The following COL4A2 variants were observed in gnomAD, a reference collection of about 807,000 sequenced individuals.
COL4A2 encodes collagen type IV alpha 2 chain, also known as collagen alpha-2(IV) chain.
COL4A2 carries 99 observed loss-of-function variants against 200.2 expected under a neutral mutation model. The ratio of observed to expected loss-of-function variants is 0.49; its 90% CI spans 0.42 to 0.58. The LOEUF is 0.58. Among genes scored for constraint, COL4A2 ranks in the 20% least tolerant of loss-of-function variants. COL4A2 has a pLI of 0.00. For synonymous variants in COL4A2, 897 were observed against 900.6 expected (o/e 1.00, Z 0.07); for missense variants, 1,950 against 2,314.1 (o/e 0.84, Z 3.23).
chr13:110,430,044 G>C, intron 8 of COL4A2, 88 bp downstream of exon 8: 1 of 1,345,166 alleles, frequency 7.4e-7, no homozygotes, highest in Non-Finnish European at 1.0e-6. Context: ...AACTTTGCAT[G>C]TAAGAATGAA....
At chr13:110,412,356 C>A (rs1358128525) in intron 4 of COL4A2, among the ~76,000 whole-genome samples, 5 of 152,192 alleles carry the variant, frequency 3.3e-5, no homozygotes, top group Non-Finnish European at 7.3e-5. Flanking sequence ...ATCTCAAAAT[C>A]TTTGACATCA....
intron 4 of COL4A2, among the ~76,000 whole-genome samples, chr13:110,409,006 A>G (rs149048301): frequency 3.6e-5 from 1 of 27,438 alleles, no homozygotes; most frequent in Admixed American, 4.6e-4. Context: ...ACACATACAC[A>G]CACACATACA....
At chr13:110,445,700 C>T (rs980326752) in intron 16 of COL4A2, 129 bp from the exon 17 acceptor site, 2 of 1,228,922 alleles carry the variant, frequency 1.6e-6, no homozygotes, top group African/African-American at 1.5e-5. Flanking sequence ...GAAAATTGAG[C>T]ACAGACTGGG....
chr13:110,470,493 C>T (rs1882426493), intron 28 of COL4A2, among the ~76,000 whole-genome samples: 1 of 152,144 alleles, frequency 6.6e-6, no homozygotes, highest in Admixed American at 6.5e-5. Context: ...AGAGAGGCGG[C>T]CACATCTCCC....
chr13:110,486,647 C>A lies in COL4A2; in HGVS notation c.3207+811C>A, dbSNP rs111282888. Among the ~76,000 whole-genome samples the A allele has an allele frequency of 1.7e-3, 264 of 152,210 alleles. 1 individual carries two copies. The highest frequency in any genetic ancestry group is 6.1e-3 in the African/African-American group (254 of 41,534). Reference sequence around the variant, plus strand: ...ACCAAACAGGCTTTGTGTGAGCAATCAAGCTGTTAATTTCACCTGGGTGCA... The same window carrying A: ...ACCAAACAGGCTTTGTGTGAGCAATAAAGCTGTTAATTTCACCTGGGTGCA... On this transcript the variant is annotated intron_variant, in intron 34 of 47. Transcript: ENST00000360467.
chr13:110,506,541 A>C lies in COL4A2; in HGVS notation c.4529A>C (p.Lys1510Thr), dbSNP rs1883888588. 6.2e-7 allele frequency: 1 copy of C among 1,613,264 alleles called. No homozygotes were observed. The highest frequency in any genetic ancestry group is 1.3e-5 in the African/African-American group (1 of 74,902). The change falls in exon 46 of 48, where the codon AAA becomes ACA. Residue 1510 changes from lysine to threonine, a missense_variant. Lys to Thr is a moderately conservative substitution (Grantham distance 78). Transcript: ENST00000360467. ...CCCATGTGCCCAGTGGGCATGAACAAACTCTGGAGTGGATACAGCCTGCTG... is the reference window on the plus strand; with the variant it reads ...CCCATGTGCCCAGTGGGCATGAACACACTCTGGAGTGGATACAGCCTGCTG... ...QEPMCPVGMN[K>T]LWSGYSLLYF...
At chr13:110,413,431 C>T (rs1431729369) in intron 4 of COL4A2, among the ~76,000 whole-genome samples, 2 of 152,154 alleles carry the variant, frequency 1.3e-5, no homozygotes. Flanking sequence ...GGGGAAGAAG[C>T]CCCGGCCGCC....
chr13:110,314,113 G>C (rs57568857), intron 3 of COL4A2, among the ~76,000 whole-genome samples: 14,725 of 152,286 alleles, frequency 0.097, 932 homozygotes, highest in Middle Eastern at 0.23. Context: ...ATGTGATAAT[G>C]TTGATTTCTG....
intron 4 of COL4A2, among the ~76,000 whole-genome samples, chr13:110,369,925 A>G (rs1027792629): frequency 3.9e-5 from 6 of 152,214 alleles, no homozygotes; most frequent in African/African-American, 7.2e-5. Context: ...ATCCTAAAGT[A>G]TTAATTATCA....
intron 3 of COL4A2, among the ~76,000 whole-genome samples, chr13:110,314,909 TAGAA>T (rs1395664712): frequency 6.6e-6 from 1 of 152,124 alleles, no homozygotes; most frequent in Non-Finnish European, 1.5e-5. Context: ...GGTCACCTGA[TAGAA>T]AGGGACAGGC....
Position 110,325,788 on chromosome 13 carries a change from CT to C in COL4A2, c.99+17679del, listed in dbSNP as rs111624101. Reference sequence around the variant, plus strand: ...ATGAATGTGTCCTGTTCCTGAATTTCTTTTTTTTTTTTTTAGACGGAGTCTC... The same window carrying C: ...ATGAATGTGTCCTGTTCCTGAATTTCTTTTTTTTTTTTTAGACGGAGTCTC... On this transcript the variant is annotated intron_variant, in intron 3 of 47. Transcript: ENST00000360467. 5.8e-3 allele frequency among the ~76,000 whole-genome samples: 834 copies of C among 143,208 alleles called. 1 individual carries two copies. Among genetic ancestry groups the C allele is most frequent in the Admixed American group, 5.2e-3 (74 of 14,264 alleles). 94.0% of individuals were successfully genotyped at this position (143,208 alleles called of 152,430 possible). A position where few individuals can be genotyped will look rare whatever the true frequency, so the allele number is the denominator to read the frequency against.
At chr13:110,496,031 G>A (rs578094243) in intron 40 of COL4A2, among the ~76,000 whole-genome samples, 1 of 152,172 alleles carries the variant, frequency 6.6e-6, no homozygotes, top group African/African-American at 2.4e-5. Flanking sequence ...CCCAGAGTCT[G>A]CTCCTGAGAT....
chr13:110,506,473 C>T lies in COL4A2; in HGVS notation c.4461C>T (p.Ser1487=), dbSNP rs757841590. 1 of 1,612,436 alleles carries T rather than the reference C, an allele frequency of 6.2e-7. No homozygotes were observed. The highest frequency in any genetic ancestry group is 8.5e-7 in the Non-Finnish European group (1 of 1,179,716). The change falls in exon 46 of 48, where the codon AGC becomes AGT. Residue 1487 remains serine (S), a synonymous_variant. Coordinates refer to ENST00000360467, the MANE Select transcript of COL4A2 (RefSeq NM_001846.4). ...GLPGMPGRSV[S]IGYLLVKHSQ... is the part of the protein sequence containing the mutation. Reference sequence around the variant, plus strand: ...CGGGTATGCCAGGCCGCAGCGTCAGCATCGGCTACCTCCTGGTGAAGCACA... The same window carrying T: ...CGGGTATGCCAGGCCGCAGCGTCAGTATCGGCTACCTCCTGGTGAAGCACA...
Position 110,436,281 on chromosome 13 carries a change from C to G in COL4A2, c.739C>G (p.Gln247Glu). The change falls in exon 13 of 48, where the codon CAG (glutamine) becomes GAG (glutamate). Residue 247 changes from glutamine (Q) to glutamate (E), a missense_variant. Gln to Glu is a conservative substitution (Grantham distance 29). This residue lies in a region of COL4A2 where 565 missense variants were observed against 593.5 expected (regional missense o/e 0.95). Transcript: ENST00000360467. ...TAACAATATGCAGGGTGACGTAGGG[C>G]AGCCGGGACCCAACGGGATTCCATC... is the stretch of plus-strand genomic sequence containing the variant. ...GVKGEKGDVG[Q>E]PGPNGIPSDT... The G allele has an allele frequency of 6.2e-7, 1 of 1,613,992 alleles. No homozygotes were observed. Among genetic ancestry groups the G allele is most frequent in the Non-Finnish European group, 8.5e-7 (1 of 1,180,030 alleles).
chr13:110,423,263 C>G (rs997104260), intron 4 of COL4A2, among the ~76,000 whole-genome samples: 175 of 152,186 alleles, frequency 1.1e-3, no homozygotes, highest in African/African-American at 4.1e-3. Flanking sequence ...CCCCTCCCCT[C>G]CTTTCTCATT....
At chr13:110,454,170 T>C (rs9521774) in intron 20 of COL4A2, among the ~76,000 whole-genome samples, 14,231 of 152,260 alleles carry the variant, frequency 0.093, 736 homozygotes, top group Middle Eastern at 0.14. Context: ...AAAGTCAAAA[T>C]AGGCCTGGCT....
chr13:110,465,395 T>A lies in COL4A2; in HGVS notation c.1777-10T>A. The stretch of plus-strand genomic sequence containing the variant: ...ATATATTTTAAGAAATAAACTGAAT[T>A]TTCACACAGGGTGATGGCATCAAGG... On this transcript the variant is annotated splice_polypyrimidine_tract_variant and intron_variant, in intron 24 of 47. Transcript: ENST00000360467. The A allele has an allele frequency of 6.3e-7, 1 of 1,578,876 alleles. No individual in the cohort carries two copies. Among genetic ancestry groups the A allele is most frequent in the Non-Finnish European group, 8.5e-7 (1 of 1,170,824 alleles).
intron 46 of COL4A2, 183 bp from the exon 47 acceptor site, chr13:110,507,747 GGAGTC>G (rs76428347): frequency 0.042 from 26,010 of 615,276 alleles, 671 homozygotes; most frequent in Middle Eastern, 0.085. Context: ...AAATGCCAGT[GGAGTC>G]TGATCAAAAA....
Position 110,429,970 on chromosome 13 carries a change from A to G in COL4A2, c.549+14A>G. On this transcript the variant is annotated intron_variant, in intron 8 of 47. Coordinates refer to ENST00000360467, the MANE Select transcript of COL4A2 (RefSeq NM_001846.4). ...GACAGATATCGGGTACGTTTGCAAGAGATGGGAGGGGTAATGAAGGGACCC... is the reference window on the plus strand; with the variant it reads ...GACAGATATCGGGTACGTTTGCAAGGGATGGGAGGGGTAATGAAGGGACCC... 4 of 1,584,594 alleles carry G rather than the reference A, an allele frequency of 2.5e-6. No homozygotes were observed. In the South Asian group the frequency reaches 4.6e-5, roughly 18 times the overall value.
Sources: gnomAD v4.1 joint callset for allele counts (sites outside exome capture counted in the v4.1 genomes callset) on GRCh38, gnomAD v4.1.1 for gene constraint, gnomAD v4.1.1 regional missense constraint, MANE v1.5 for transcripts, NCBI Gene and HGNC (gene_info 2026-07-23, HGNC 2026-07-21) for gene names.